Variants in SLC6A19 observed in about 807,000 individuals in gnomAD.
SLC6A19 encodes sodium-dependent neutral amino acid transporter B(0)AT1.
In SLC6A19, 67 loss-of-function variants were observed where a neutral mutation model predicts 68.3. That is an observed-to-expected ratio of 0.98 (90% confidence interval 0.81 to 1.20). The LOEUF is 1.20. SLC6A19 is among the 50% of genes most tolerant of loss of function. The probability of loss-of-function intolerance (pLI) is 0.00; values close to 1 mark genes in which losing one functional copy is unlikely to be tolerated. For synonymous variants in SLC6A19, 392 were observed against 374.9 expected (o/e 1.05, Z -0.53); for missense variants, 813 against 851.6 (o/e 0.95, Z 0.56).
At chr5:1,205,760 T>TG (rs150445507) in intron 1 of SLC6A19, among the ~76,000 whole-genome samples, 9,130 of 151,986 alleles carry the variant, frequency 0.06, 318 homozygotes, top group South Asian at 0.11. Context: ...ATCAAGCTCT[T>TG]GGGAAAAAAA....
chr5:1,218,083 C>T (rs1256984403), intron 8 of SLC6A19, among the ~76,000 whole-genome samples: 2 of 149,206 alleles, frequency 1.3e-5, no homozygotes, highest in African/African-American at 2.5e-5. Context: ...TGAAGAGCGG[C>T]GTGCCTTGTA....
rs11744165 is a variant in SLC6A19, at chr5:1,224,375, G to T, written c.*2471G>T. On this transcript the variant is annotated 3_prime_UTR_variant, in exon 12 of 12. Transcript: ENST00000304460. Reference sequence around the variant, plus strand: ...CATTTCTAAATAAATCCCTTCTATTGAGTATGCTCACCCTAGAAGTTACTG... The same window carrying T: ...CATTTCTAAATAAATCCCTTCTATTTAGTATGCTCACCCTAGAAGTTACTG... The T allele has an allele frequency of 0.92, 140,502 of 152,334 alleles. 65,191 individuals are homozygous for T. Among genetic ancestry groups the T allele is most frequent in the Non-Finnish European group, 0.95 (64,783 of 68,038 alleles). The allele number at this position is 152,334 out of a possible 1,614,324, so 9.4% of individuals were successfully genotyped here.
intron 3 of SLC6A19, among the ~76,000 whole-genome samples, chr5:1,211,891 C>CT (rs1746042651): frequency 7.0e-6 from 1 of 142,016 alleles, no homozygotes; most frequent in Admixed American, 7.1e-5. Context: ...TACAGTCACA[C>CT]TTGTGTGCTG....
At chr5:1,204,997 C>T (rs977916658) in intron 1 of SLC6A19, among the ~76,000 whole-genome samples, 2 of 152,238 alleles carry the variant, frequency 1.3e-5, no homozygotes, top group Non-Finnish European at 2.9e-5. Flanking sequence ...TTTTCAAGGA[C>T]AGACAGGAGG....
Position 1,222,234 on chromosome 5 carries a change from G to A in SLC6A19, c.*330G>A. 1.7e-6 allele frequency: 1 copy of A among 581,394 alleles called. No individual in the cohort carries two copies. 36.0% of individuals were successfully genotyped at this position (581,394 alleles called of 1,614,324 possible). A position where few individuals can be genotyped will look rare whatever the true frequency, so the allele number is the denominator to read the frequency against. The stretch of plus-strand genomic sequence containing the variant: ...ATGGACATTGTGTGAGTGTGCAAGT[G>A]TGCATGCATATACATGTGTGCGATA... On this transcript the variant is annotated 3_prime_UTR_variant, in exon 12 of 12. Transcript: ENST00000304460.
Position 1,222,031 on chromosome 5 carries a change from G to C in SLC6A19, c.*127G>C. 11 of 1,063,032 alleles carry C rather than the reference G, an allele frequency of 1.0e-5. No individual in the cohort carries two copies. Among genetic ancestry groups the C allele is most frequent in the Non-Finnish European group, 1.5e-5 (11 of 723,576 alleles). The allele number at this position is 1,063,032 out of a possible 1,614,324, so 65.8% of individuals were successfully genotyped here. A position where few individuals can be genotyped will look rare whatever the true frequency, so the allele number is the denominator to read the frequency against. On this transcript the variant is annotated 3_prime_UTR_variant, in exon 12 of 12. Coordinates refer to ENST00000304460, the MANE Select transcript of SLC6A19 (RefSeq NM_001003841.3). ...TGAGTGTATGCTCGTGTGTGAGTGT[G>C]TGTATTGTACACGCATGTGCCATGT...
chr5:1,219,825 G>A (rs1455772753), intron 10 of SLC6A19, among the ~76,000 whole-genome samples, 161 bp downstream of exon 10: 2 of 152,178 alleles, frequency 1.3e-5, no homozygotes, highest in South Asian at 4.1e-4. Context: ...GTCCTGGCGG[G>A]AGCAGAGGGC....
In SLC6A19 at chr5:1,215,852, G is replaced by A. The variant is rs986674032; in HGVS notation, c.888-706G>A. Among the ~76,000 whole-genome samples the A allele has an allele frequency of 2.6e-5, 4 of 152,156 alleles. No individual in the cohort carries two copies. The highest frequency in any genetic ancestry group is 4.8e-5 in the African/African-American group (2 of 41,440). ...CTGCACCACTCACGTTCCCACCAGC[G>A]TGCAGGAAGCTCCAGTTTCCCCGTA... is the stretch of plus-strand genomic sequence containing the variant. On this transcript the variant is annotated intron_variant, in intron 6 of 11. Transcript: ENST00000304460. This position sits in a 1 kb window ranked among gnomAD's most constrained non-coding sequence, Gnocchi z 5.1.
At position 1,201,774 on chromosome 5, in the gene SLC6A19, A is replaced by G. The variant is rs372127679; in HGVS notation, c.124A>G (p.Met42Val). Residue 42 changes from methionine to valine, a missense_variant, in exon 1 of 12, where the codon ATG (methionine) becomes GTG (valine). Met to Val is a conservative substitution (Grantham distance 21). Coordinates refer to ENST00000304460, the MANE Select transcript of SLC6A19 (RefSeq NM_001003841.3). ...GAAGTGGGACAACAAGGCGCAGTAC[A>G]TGCTCACCTGCCTGGGCTTCTGCGT... Reference protein sequence around the residue: ...RPKWDNKAQYMLTCLGFCVGL... With the variant: ...RPKWDNKAQYVLTCLGFCVGL... 15 of 1,612,676 alleles carry G rather than the reference A, an allele frequency of 9.3e-6. No individual in the cohort carries two copies. The highest frequency in any genetic ancestry group is 1.3e-5 in the Non-Finnish European group (15 of 1,179,916).
rs1258269764 is a variant in SLC6A19 at position 1,209,432 on chromosome 5, A to T, written c.343+546A>T. Among the ~76,000 whole-genome samples, 1 of 152,124 alleles carries T rather than the reference A, an allele frequency of 6.6e-6. No homozygotes were observed. The highest frequency in any genetic ancestry group is 1.5e-5 in the Non-Finnish European group (1 of 67,996). ...AGGGTCCACTCCAGAGAGGAGTCTG[A>T]GTCCAGGAAGCACCTGCCCTTCGGA... is the stretch of plus-strand genomic sequence containing the variant. On this transcript the variant is annotated intron_variant, in intron 2 of 11. Transcript: ENST00000304460. This position sits in a 1 kb window ranked among gnomAD's most constrained non-coding sequence, Gnocchi z 5.5.
intron 10 of SLC6A19, among the ~76,000 whole-genome samples, chr5:1,220,267 A>G (rs1315937906): frequency 1.3e-5 from 2 of 151,952 alleles, no homozygotes; most frequent in African/African-American, 2.4e-5. Context: ...AAAATTAGCC[A>G]GGCATGGTGG....
rs1436529978 is a variant in SLC6A19 at position 1,215,641 on chromosome 5, A to G, written c.888-917A>G. ...TGTGCATGGGCTACGGTTTGTGCATATCCATCCATGGACATTTTCCACGTT... is the reference window on the plus strand; with the variant it reads ...TGTGCATGGGCTACGGTTTGTGCATGTCCATCCATGGACATTTTCCACGTT... On this transcript the variant is annotated intron_variant, in intron 6 of 11. Transcript: ENST00000304460. The surrounding 1 kb of genome is among the most constrained non-coding windows in gnomAD (Gnocchi z 5.1). Among the ~76,000 whole-genome samples the G allele has an allele frequency of 8.5e-5, 13 of 152,172 alleles. No homozygotes were observed. The highest frequency in any genetic ancestry group is 8.5e-4 in the Admixed American group (13 of 15,286).
Position 1,213,989 on chromosome 5 carries a change from G to GC in SLC6A19, c.812dup (p.Ala273ArgfsTer80). 1 of 1,613,586 alleles carries GC rather than the reference G, an allele frequency of 6.2e-7. No homozygotes were observed. Among genetic ancestry groups the GC allele is most frequent in the South Asian group, 1.1e-5 (1 of 91,084 alleles). ...GGCCCAGCCGGACACCTGGCTGGAC[G>GC]CGGGCGCACAGGTCTTCTTCTCCTT... On this transcript the variant is annotated frameshift_variant, in exon 6 of 12. Transcript: ENST00000304460. LOFTEE classifies it high-confidence loss of function.
At chr5:1,204,679 C>T (rs1417771974) in intron 1 of SLC6A19, among the ~76,000 whole-genome samples, 1 of 150,866 alleles carries the variant, frequency 6.6e-6, no homozygotes, top group African/African-American at 2.4e-5. Flanking sequence ...GCTGCCCCCC[C>T]AGCTCCTCTG....
chr5:1,219,716 A>G, intron 10 of SLC6A19, 52 bp downstream of exon 10: 1 of 1,598,834 alleles, frequency 6.3e-7, no homozygotes, highest in Non-Finnish European at 8.5e-7. Flanking sequence ...GCCAGGTCAC[A>G]GGGCGTTCCT....
In SLC6A19 at chr5:1,222,181, G is replaced by T. The variant is rs1746404352; in HGVS notation, c.*277G>T. 3.4e-6 allele frequency: 2 copies of T among 594,000 alleles called. No individual in the cohort carries two copies. The highest frequency in any genetic ancestry group is 3.0e-5 in the Admixed American group (1 of 33,482). 36.8% of individuals were successfully genotyped at this position (594,000 alleles called of 1,614,324 possible). On this transcript the variant is annotated 3_prime_UTR_variant, in exon 12 of 12. Coordinates refer to ENST00000304460, the MANE Select transcript of SLC6A19 (RefSeq NM_001003841.3). ...GTGCATGTGCCATGTGTGCAGATGTGTCATGTTGTGTGTGTGCATGTACAT... is the reference window on the plus strand; with the variant it reads ...GTGCATGTGCCATGTGTGCAGATGTTTCATGTTGTGTGTGTGCATGTACAT...
At chr5:1,218,113 T>C (rs368140596) in intron 8 of SLC6A19, among the ~76,000 whole-genome samples, 20 of 151,458 alleles carry the variant, frequency 1.3e-4, no homozygotes, top group East Asian at 9.8e-4. Flanking sequence ...TGCTGCCTGC[T>C]TCTAATGATT....
In SLC6A19 at chr5:1,214,653, A is replaced by G. The variant is rs1274832472; in HGVS notation, c.887+588A>G. Among the ~76,000 whole-genome samples, 1 of 152,152 alleles carries G rather than the reference A, an allele frequency of 6.6e-6. No individual in the cohort carries two copies. The highest frequency in any genetic ancestry group is 1.5e-5 in the Non-Finnish European group (1 of 68,024). On this transcript the variant is annotated intron_variant, in intron 6 of 11. Coordinates refer to ENST00000304460, the MANE Select transcript of SLC6A19 (RefSeq NM_001003841.3). The surrounding 1 kb of genome is among the most constrained non-coding windows in gnomAD (Gnocchi z 7.4). Reference sequence around the variant, plus strand: ...TGCCCTCAGTGACCTGTGGCTCTGCAGGTTGACAAGCAAGTGCAGAAGTTG... The same window carrying G: ...TGCCCTCAGTGACCTGTGGCTCTGCGGGTTGACAAGCAAGTGCAGAAGTTG...
intron 1 of SLC6A19, 104 bp downstream of exon 1, chr5:1,201,956 G>A: frequency 1.4e-6 from 2 of 1,403,508 alleles, no homozygotes; most frequent in African/African-American, 1.4e-5. Flanking sequence ...GGCTCCCCAA[G>A]CACGGAGGGG....
Sources: allele counts gnomAD v4.1 joint callset (sites outside exome capture counted in the v4.1 genomes callset), GRCh38; gene constraint gnomAD v4.1.1; non-coding constraint Gnocchi (gnomAD v3.1); transcripts MANE v1.5; gene names NCBI Gene and HGNC (gene_info 2026-07-23, HGNC 2026-07-21).